Variants in MMP19 observed in about 807,000 individuals in gnomAD.
MMP19 encodes the protein matrix metalloproteinase-19.
A neutral mutation model predicts 46.6 loss-of-function variants in MMP19; 47 were observed. The observed-to-expected ratio is 1.01, with a 90% CI of 0.80 to 1.29. MMP19 has a LOEUF of 1.29. MMP19 is among the 50% of genes most tolerant of loss of function. The pLI, the probability that MMP19 is intolerant of heterozygous loss-of-function variation, is 0.00. For synonymous variants in MMP19, 222 were observed against 248.5 expected (o/e 0.89, Z 1.00); for missense variants, 589 against 643.5 (o/e 0.92, Z 0.92).
At chr12:55,841,050 A>T (rs1203310316) in intron 3 of MMP19, 56 bp downstream of exon 3, 2 of 1,593,750 alleles carry the variant, frequency 1.3e-6, no homozygotes, top group Non-Finnish European at 1.7e-6. Context: ...TGCCACCCAC[A>T]CGCCAGAACC....
Position 55,839,701 on chromosome 12 carries a change from A to G in MMP19, c.561T>C (p.Ser187=). 1.2e-6 allele frequency: 2 copies of G among 1,614,004 alleles called. No individual in the cohort carries two copies. Among genetic ancestry groups the G allele is most frequent in the African/African-American group, 2.7e-5 (2 of 75,070 alleles). The change falls in exon 5 of 9, where the codon AGT becomes AGC. Residue 187 remains serine, a synonymous_variant. Coordinates refer to ENST00000322569, the MANE Select transcript of MMP19 (RefSeq NM_002429.6). ...AGAACTCGTCTTCGTCGAAGTGCAC[A>G]CTGCCCAGCTCTGGGATGTCGGCAT... ...LAHADIPELG[S]VHFDEDEFWT...
chr12:55,837,910 C>T lies in MMP19; in HGVS notation c.993G>A (p.Glu331=), dbSNP rs374477231. ...GPLFRVSALW[E]GLPGNLDAAV... is the part of the protein sequence containing the mutation. ...CAGCATCCAGGTTTCCGGGGAGCCC[C>T]TCCCAAAGGGCAGACACTCGGAACA... Residue 331 remains glutamate, a synonymous_variant, in exon 7 of 9, where the codon GAG becomes GAA. Transcript: ENST00000322569. 9.4e-5 allele frequency: 152 copies of T among 1,613,258 alleles called. No homozygotes were observed. The highest frequency in any genetic ancestry group is 1.2e-4 in the Non-Finnish European group (146 of 1,179,388).
Position 55,840,727 on chromosome 12 carries a change from T to C in MMP19, c.460A>G (p.Ile154Val), listed in dbSNP as rs780280725. 3 of 1,613,878 alleles carry C rather than the reference T, an allele frequency of 1.9e-6. No homozygotes were observed. The African/African-American group carries it at 4.0e-5, about 22-fold the overall frequency. ...TGGCGGCCATGGAAGGAGAGGCGGA[T>C]GTCAGCCGCACCAGCCTGCACCTCT... Reference protein sequence around the residue: ...FQEVQAGAADIRLSFHGRQSS... With the variant: ...FQEVQAGAADVRLSFHGRQSS... Residue 154 changes from isoleucine to valine, a missense_variant, in exon 4 of 9, where the codon ATC becomes GTC. By Grantham distance (29) the Ile-to-Val change is conservative. Coordinates refer to ENST00000322569, the MANE Select transcript of MMP19 (RefSeq NM_002429.6).
intron 1 of MMP19, 127 bp downstream of exon 1, chr12:55,842,617 G>T: frequency 1.1e-6 from 1 of 889,162 alleles, no homozygotes; most frequent in Non-Finnish European, 1.8e-6. Context: ...GGGCAGGGTA[G>T]ACCATGGGGC....
At chr12:55,839,898 T>A in intron 4 of MMP19, 157 bp from the exon 5 acceptor site, 1 of 1,006,096 alleles carries the variant, frequency 9.9e-7, no homozygotes. Context: ...CAGATTCCCC[T>A]GTCATCACCC....
At position 55,838,635 on chromosome 12, in the gene MMP19, C is replaced by T. The variant is rs1881440911; in HGVS notation, c.866G>A (p.Cys289Tyr). ...PTEPSPMPDP[C>Y]SSELDAMMLG... is the part of the protein sequence containing the mutation. ...CATCATGGCATCCAGTTCACTACTG[C>T]AAGGGTCTGGCATGGGACTGGGTTC... is the stretch of plus-strand genomic sequence containing the variant. Residue 289 changes from cysteine (C) to tyrosine (Y), a missense_variant, in exon 6 of 9, where the codon TGC (cysteine) becomes TAC (tyrosine). Coordinates refer to ENST00000322569, the MANE Select transcript of MMP19 (RefSeq NM_002429.6). The T allele has an allele frequency of 6.2e-7, 1 of 1,614,084 alleles. No homozygotes were observed. The highest frequency in any genetic ancestry group is 1.3e-5 in the African/African-American group (1 of 74,934).
Position 55,841,182 on chromosome 12 carries a change from T to C in MMP19, c.228A>G (p.Thr76=), listed in dbSNP as rs1288791227. 1 of 1,613,924 alleles carries C rather than the reference T, an allele frequency of 6.2e-7. No homozygotes were observed. The highest frequency in any genetic ancestry group is 2.2e-5 in the East Asian group (1 of 44,864). The change falls in exon 3 of 9, where the codon ACA becomes ACG. Residue 76 remains threonine, a synonymous_variant. Coordinates refer to ENST00000322569, the MANE Select transcript of MMP19 (RefSeq NM_002429.6). ...LPVSGQLDDA[T]RARMRQPRCG... is the part of the protein sequence containing the mutation. ...AACGAGGCTGCCTCATGCGGGCCCT[T>C]GTGGCATCATCCAGCTGACCTGAGA...
At chr12:55,840,589 G>A (rs1881612603) in intron 4 of MMP19, 78 bp downstream of exon 4, 2 of 1,410,466 alleles carry the variant, frequency 1.4e-6, no homozygotes, top group South Asian at 1.3e-5. Context: ...CAAACATCAA[G>A]GTTCTAGAGT....
At chr12:55,837,428 C>A (rs1881315314) in intron 8 of MMP19, 54 bp from the exon 9 acceptor site, 4 of 1,574,682 alleles carry the variant, frequency 2.5e-6, no homozygotes, top group East Asian at 2.2e-5. Context: ...AGCTTAGGAC[C>A]CCCAGGGGTC....
At position 55,837,312 on chromosome 12, in the gene MMP19, T is replaced by A. The variant is rs1316762171; in HGVS notation, c.1251A>T (p.Pro417=). Residue 417 remains proline, a synonymous_variant, in exon 9 of 9, where the codon CCA becomes CCT. Transcript: ENST00000322569. ...ARTDFSSYPK[P]IKGLFTGVPN... ...GCACTCCCGTAAACAAACCCTTGAT[T>A]GGTTTGGGGTAGCTGCTGAAGTCAG... is the stretch of plus-strand genomic sequence containing the variant. 1.2e-6 allele frequency: 2 copies of A among 1,612,814 alleles called. No individual in the cohort carries two copies. Among genetic ancestry groups the A allele is most frequent in the East Asian group, 4.5e-5 (2 of 44,826 alleles).
At chr12:55,838,292 G>T in intron 6 of MMP19, 1 of 631,194 alleles carries the variant, frequency 1.6e-6, no homozygotes, top group Non-Finnish European at 2.7e-6. Context: ...CTTCCTAGTT[G>T]TCCTTCCAAC....
chr12:55,841,061 A>G, intron 3 of MMP19, 45 bp downstream of exon 3: 1 of 1,599,418 alleles, frequency 6.3e-7, no homozygotes, highest in Non-Finnish European at 8.5e-7. Context: ...CGCCAGAACC[A>G]CATCACCCCC....
rs1881254006 is a variant in MMP19, at chr12:55,836,928, C to G, written c.*108G>C. 2 of 1,033,794 alleles carry G rather than the reference C, an allele frequency of 1.9e-6. No individual in the cohort carries two copies. Among genetic ancestry groups the G allele is most frequent in the Admixed American group, 4.7e-5 (2 of 42,530 alleles). 64.0% of individuals were successfully genotyped at this position (1,033,794 alleles called of 1,614,324 possible). ...CACCTGCAAGGTTCTACTGAGCAGA[C>G]AGGTATTTCATTCAGCTATTAGGCC... On this transcript the variant is annotated 3_prime_UTR_variant, in exon 9 of 9. Coordinates refer to ENST00000322569, the MANE Select transcript of MMP19 (RefSeq NM_002429.6).
Position 55,839,647 on chromosome 12 carries a change from G to T in MMP19, c.615C>A (p.Asn205Lys), listed in dbSNP as rs745324840. Residue 205 changes from asparagine (N) to lysine (K), a missense_variant, in exon 5 of 9, where the codon AAC becomes AAA. Physicochemically the swap from Asn to Lys is moderately conservative, Grantham distance 94. Coordinates refer to ENST00000322569, the MANE Select transcript of MMP19 (RefSeq NM_002429.6). ...CTTCATGGGCTGCAATGATGCGCAG[G>T]TTCACCCCACGGTAGGTCCCCTCAG... ...FWTEGTYRGV[N>K]LRIIAAHEVG... 1 of 1,614,234 alleles carries T rather than the reference G, an allele frequency of 6.2e-7. No homozygotes were observed. The highest frequency in any genetic ancestry group is 8.5e-7 in the Non-Finnish European group (1 of 1,180,040).
In MMP19 at chr12:55,837,332, A is replaced by T. The variant is rs1306503989; in HGVS notation, c.1231T>A (p.Phe411Ile). The T allele has an allele frequency of 6.2e-7, 1 of 1,610,622 alleles. No homozygotes were observed. The highest frequency in any genetic ancestry group is 2.2e-5 in the East Asian group (1 of 44,786). The change falls in exon 9 of 9, where the codon TTC (phenylalanine) becomes ATC (isoleucine). Residue 411 changes from phenylalanine to isoleucine, a missense_variant. Physicochemically the swap from Phe to Ile is conservative, Grantham distance 21. Transcript: ENST00000322569. ...WQWDELARTD[F>I]SSYPKPIKGL... ...TTGATTGGTTTGGGGTAGCTGCTGAAGTCAGTTCGGGCTAGCTCGTCCCAC... is the reference window on the plus strand; with the variant it reads ...TTGATTGGTTTGGGGTAGCTGCTGATGTCAGTTCGGGCTAGCTCGTCCCAC...
rs368101801 is a variant in MMP19 at position 55,840,724 on chromosome 12, G to A, written c.463C>T (p.Arg155Cys). ...CTTTGGCGGCCATGGAAGGAGAGGC[G>A]GATGTCAGCCGCACCAGCCTGCACC... ...QEVQAGAADI[R>C]LSFHGRQSSY... is the part of the protein sequence containing the mutation. Residue 155 changes from arginine (R) to cysteine (C), a missense_variant, in exon 4 of 9, where the codon CGC becomes TGC. Arg to Cys is a radical substitution (Grantham distance 180, BLOSUM62 -3). Coordinates refer to ENST00000322569, the MANE Select transcript of MMP19 (RefSeq NM_002429.6). 122 of 1,613,880 alleles carry A rather than the reference G, an allele frequency of 7.6e-5. No homozygotes were observed. Among genetic ancestry groups the A allele is most frequent in the Admixed American group, 3.0e-4 (18 of 59,974 alleles).
chr12:55,839,963 C>T, intron 4 of MMP19: 2 of 599,616 alleles, frequency 3.3e-6, no homozygotes, highest in South Asian at 4.3e-5. Context: ...ACTCCCTGCT[C>T]TCTGACCCAG....
Position 55,840,695 on chromosome 12 carries a change from C to T in MMP19, c.492G>A (p.Ser164=), listed in dbSNP as rs375168504. The change falls in exon 4 of 9, where the codon TCG becomes TCA. Residue 164 remains serine (S), a synonymous_variant. Coordinates refer to ENST00000322569, the MANE Select transcript of MMP19 (RefSeq NM_002429.6). ...IRLSFHGRQS[S]YCSNTFDGPG... is the part of the protein sequence containing the mutation. ...GCCCATCAAAAGTATTGGAACAGTA[C>T]GAGCTTTGGCGGCCATGGAAGGAGA... 24 of 1,613,760 alleles carry T rather than the reference C, an allele frequency of 1.5e-5. No individual in the cohort carries two copies. The highest frequency in any genetic ancestry group is 1.6e-4 in the Middle Eastern group (1 of 6,084).
rs200946024 is a variant in MMP19 at position 55,840,768 on chromosome 12, G to A, written c.419C>T (p.Ala140Val). 4 of 1,614,100 alleles carry A rather than the reference G, an allele frequency of 2.5e-6. No homozygotes were observed. The highest frequency in any genetic ancestry group is 3.4e-6 in the Non-Finnish European group (4 of 1,180,002). ...RQAFQDWSNV[A>V]PLTFQEVQAG... Reference sequence around the variant, plus strand: ...CTGCACCTCTTGGAAGGTCAAGGGAGCCACATTGCTCCAGTCCTGGAAGGC... The same window carrying A: ...CTGCACCTCTTGGAAGGTCAAGGGAACCACATTGCTCCAGTCCTGGAAGGC... The change falls in exon 4 of 9, where the codon GCT becomes GTT. Residue 140 changes from alanine to valine, a missense_variant. Ala to Val is a moderately conservative substitution (Grantham distance 64). Transcript: ENST00000322569.
Sources: gnomAD v4.1 joint callset for allele counts on GRCh38, gnomAD v4.1.1 for gene constraint, MANE v1.5 for transcripts, NCBI Gene and HGNC (gene_info 2026-07-23, HGNC 2026-07-21) for gene names.